The following SESTD1 variants were observed in gnomAD, a reference collection of about 807,000 sequenced individuals.
SESTD1 encodes the protein SEC14 and spectrin domain containing 1, also known as SEC14 domain and spectrin repeat-containing protein 1.
In SESTD1, 43 loss-of-function variants were observed where a neutral mutation model predicts 101.7. That is an observed-to-expected ratio of 0.42 (90% CI 0.33 to 0.55). SESTD1 has a LOEUF of 0.55. Ranked by LOEUF, SESTD1 falls within the 20% of genes least tolerant of loss-of-function variation. The probability of loss-of-function intolerance (pLI) is 0.07; values close to 1 mark genes in which losing one functional copy is unlikely to be tolerated. For missense variants in SESTD1, 647 were observed against 815.1 expected (o/e 0.79, Z 2.51); for synonymous variants, 283 against 286.8 (o/e 0.99, Z 0.13).
chr2:179,228,781 C>T (rs2046929644), intron 1 of SESTD1, among the ~76,000 whole-genome samples: 1 of 152,134 alleles, frequency 6.6e-6, no homozygotes, highest in African/African-American at 2.4e-5. Flanking sequence ...GCTTTTAATA[C>T]AAGACAAACT....
At chr2:179,140,149 A>T (rs1406901888) in intron 9 of SESTD1, among the ~76,000 whole-genome samples, 1 of 152,146 alleles carries the variant, frequency 6.6e-6, no homozygotes, top group Non-Finnish European at 1.5e-5. Flanking sequence ...ACTTTCAAGC[A>T]ATCTTTAAAG....
rs2047037792 is a variant in SESTD1 at position 179,234,558 on chromosome 2, A to G, written c.-26+29941T>C. On this transcript the variant is annotated intron_variant, in intron 1 of 17. Transcript: ENST00000428443. ...TTTGTGGGGCTGAGGCGGGTAGATC[A>G]CTTGGGGTCAGGAGTTTGAGACCAG... 2.0e-5 allele frequency among the ~76,000 whole-genome samples: 3 copies of G among 152,118 alleles called. No homozygotes were observed. The East Asian group carries it at 5.8e-4, about 29-fold the overall frequency.
intron 1 of SESTD1, among the ~76,000 whole-genome samples, chr2:179,212,050 C>G (rs2046657614): frequency 7.4e-6 from 1 of 135,078 alleles, no homozygotes; most frequent in African/African-American, 2.9e-5. Context: ...TGAATAGGAA[C>G]AGCTACAGTC....
intron 1 of SESTD1, among the ~76,000 whole-genome samples, chr2:179,226,532 A>C (rs1455379399): frequency 6.6e-6 from 1 of 152,166 alleles, no homozygotes; most frequent in African/African-American, 2.4e-5. Flanking sequence ...GAAAAACAAC[A>C]ATTTATGTCC....
chr2:179,110,403 A>G (rs1397338235), intron 17 of SESTD1, among the ~76,000 whole-genome samples: 2 of 152,188 alleles, frequency 1.3e-5, no homozygotes, highest in African/African-American at 4.8e-5. Context: ...TTGTCTATAG[A>G]GCTGGCAAGC....
At position 179,211,689 on chromosome 2, in the gene SESTD1, G is replaced by A. The variant is rs1236202005; in HGVS notation, c.-25-19823C>T. Among the ~76,000 whole-genome samples, 3 of 134,278 alleles carry A rather than the reference G, an allele frequency of 2.2e-5. 1 individual carries two copies. Among genetic ancestry groups the A allele is most frequent in the Non-Finnish European group, 4.8e-5 (3 of 62,530 alleles). The allele number at this position is 134,278 out of a possible 152,430, so 88.1% of individuals were successfully genotyped here. The stretch of plus-strand genomic sequence containing the variant: ...CTACTCTTCAGCCATAAAAACGAAT[G>A]AAATAATGGCATTTACAGCAACCTG... On this transcript the variant is annotated intron_variant, in intron 1 of 17. Coordinates refer to ENST00000428443, the MANE Select transcript of SESTD1 (RefSeq NM_178123.5).
chr2:179,176,626 C>T (rs1011720028), intron 3 of SESTD1, 88 bp from the exon 4 acceptor site: 7 of 989,392 alleles, frequency 7.1e-6, no homozygotes, highest in Middle Eastern at 2.1e-4. Flanking sequence ...AAAACTTAAT[C>T]GCATATGGAG....
Position 179,106,442 on chromosome 2 carries a change from A to G in SESTD1, c.*3457T>C, listed in dbSNP as rs879589297. 7.2e-5 allele frequency: 11 copies of G among 152,204 alleles called. No individual in the cohort carries two copies. The highest frequency in any genetic ancestry group is 2.6e-4 in the Admixed American group (4 of 15,276). The allele number at this position is 152,204 out of a possible 1,614,324, so 9.4% of individuals were successfully genotyped here. Reference sequence around the variant, plus strand: ...AATTCTGAACTATTTCTTCAAATGTAGACCATAGATTCAGCTAACTTCATA... The same window carrying G: ...AATTCTGAACTATTTCTTCAAATGTGGACCATAGATTCAGCTAACTTCATA... On this transcript the variant is annotated 3_prime_UTR_variant, in exon 18 of 18. Transcript: ENST00000428443.
At position 179,108,517 on chromosome 2, in the gene SESTD1, G is replaced by A. The variant is rs1204614187; in HGVS notation, c.*1382C>T. 1 of 152,116 alleles carries A rather than the reference G, an allele frequency of 6.6e-6. No individual in the cohort carries two copies. The highest frequency in any genetic ancestry group is 2.1e-4 in the South Asian group (1 of 4,820). The allele number at this position is 152,116 out of a possible 1,614,324, so 9.4% of individuals were successfully genotyped here. A position where few individuals can be genotyped will look rare whatever the true frequency, so the allele number is the denominator to read the frequency against. On this transcript the variant is annotated 3_prime_UTR_variant, in exon 18 of 18. Coordinates refer to ENST00000428443, the MANE Select transcript of SESTD1 (RefSeq NM_178123.5). Reference sequence around the variant, plus strand: ...CTGAGTAGTGAGTGATGAGGATGTAGGGGCACTGGATGTGGATTTCTCCAA... The same window carrying A: ...CTGAGTAGTGAGTGATGAGGATGTAAGGGCACTGGATGTGGATTTCTCCAA...
intron 1 of SESTD1, among the ~76,000 whole-genome samples, chr2:179,263,753 G>A (rs2047515790): frequency 6.6e-6 from 1 of 152,126 alleles, no homozygotes; most frequent in African/African-American, 2.4e-5. Flanking sequence ...CTCAAGAGCT[G>A]GTCAGACTGC....
intron 1 of SESTD1, among the ~76,000 whole-genome samples, chr2:179,243,927 T>C (rs141511469): frequency 0.023 from 3,111 of 137,372 alleles, 51 homozygotes; most frequent in South Asian, 0.072. Context: ...TTATTAAAAA[T>C]ATATATATAT....
Position 179,108,745 on chromosome 2 carries a change from A to G in SESTD1, c.*1154T>C, listed in dbSNP as rs973566570. On this transcript the variant is annotated 3_prime_UTR_variant, in exon 18 of 18. Coordinates refer to ENST00000428443, the MANE Select transcript of SESTD1 (RefSeq NM_178123.5). ...AAAATGTTCTGAAATAAAAATACATAAAATTTAAATTATATGCATTTTACC... is the reference window on the plus strand; with the variant it reads ...AAAATGTTCTGAAATAAAAATACATGAAATTTAAATTATATGCATTTTACC... 1.3e-5 allele frequency: 2 copies of G among 152,144 alleles called. No homozygotes were observed. Among genetic ancestry groups the G allele is most frequent in the Non-Finnish European group, 2.9e-5 (2 of 68,012 alleles). 9.4% of individuals were successfully genotyped at this position (152,144 alleles called of 1,614,324 possible). A position where few individuals can be genotyped will look rare whatever the true frequency, so the allele number is the denominator to read the frequency against.
At position 179,109,163 on chromosome 2, in the gene SESTD1, A is replaced by G. The variant is rs1255033394; in HGVS notation, c.*736T>C. The G allele has an allele frequency of 1.3e-5, 2 of 152,614 alleles. No homozygotes were observed. Among genetic ancestry groups the G allele is most frequent in the Non-Finnish European group, 2.9e-5 (2 of 68,006 alleles). 9.5% of individuals were successfully genotyped at this position (152,614 alleles called of 1,614,324 possible). On this transcript the variant is annotated 3_prime_UTR_variant, in exon 18 of 18. Transcript: ENST00000428443. ...AAACATGCTTATTTATTATATACAC[A>G]TGCTTACATATGTATTTCCTGTCTA...
intron 1 of SESTD1, among the ~76,000 whole-genome samples, chr2:179,230,113 CTTTTTTTTTTTTTTTTTTT>C (rs71023474): frequency 1.1e-3 from 62 of 56,420 alleles, no homozygotes; most frequent in Admixed American, 4.7e-3. Context: ...GATTGTATCT[CTTTTTTTTTTTTTTTTTTT>C]TTTTTTTTTT....
intron 1 of SESTD1, among the ~76,000 whole-genome samples, chr2:179,222,906 A>G (rs1350980774): frequency 1.3e-5 from 2 of 152,190 alleles, no homozygotes; most frequent in Non-Finnish European, 2.9e-5. Flanking sequence ...AAAATTAAAA[A>G]CACTTAAATA....
chr2:179,152,995 C>A (rs957807883), intron 5 of SESTD1, among the ~76,000 whole-genome samples: 2 of 151,972 alleles, frequency 1.3e-5, no homozygotes, highest in African/African-American at 4.8e-5. Context: ...CTAATGAAAT[C>A]AACAAACTTC....
chr2:179,142,325 AT>A (rs1402731352), intron 9 of SESTD1, among the ~76,000 whole-genome samples: 1 of 152,232 alleles, frequency 6.6e-6, no homozygotes, highest in East Asian at 1.9e-4. Context: ...AATACATATA[AT>A]AACTACCACT....
At chr2:179,246,446 GCA>G (rs925870232) in intron 1 of SESTD1, among the ~76,000 whole-genome samples, 34 of 152,096 alleles carry the variant, frequency 2.2e-4, no homozygotes, top group African/African-American at 6.0e-4. Context: ...AAAGACAAAT[GCA>G]CAGTTATAAC....
intron 5 of SESTD1, among the ~76,000 whole-genome samples, chr2:179,169,428 A>G (rs2045892346): frequency 6.6e-6 from 1 of 152,182 alleles, no homozygotes; most frequent in Non-Finnish European, 1.5e-5. Flanking sequence ...TAAACAATAG[A>G]GCTTCAGAAC....
Sources: gnomAD v4.1 joint callset for allele counts (sites outside exome capture counted in the v4.1 genomes callset) on GRCh38, gnomAD v4.1.1 for gene constraint, MANE v1.5 for transcripts, NCBI Gene and HGNC (gene_info 2026-07-23, HGNC 2026-07-21) for gene names.